SIPA1L1: variants seen among roughly 807,000 people sequenced by gnomAD.
The protein encoded by SIPA1L1 is signal induced proliferation associated 1 like 1.
A neutral mutation model predicts 162.7 loss-of-function variants in SIPA1L1; 26 were observed. That is an observed-to-expected ratio of 0.16 (90% CI 0.12 to 0.22). SIPA1L1 has a LOEUF of 0.22. Among genes scored for constraint, SIPA1L1 ranks in the 10% least tolerant of loss-of-function variants. The probability of loss-of-function intolerance (pLI) is 1.00; values close to 1 mark genes in which losing one functional copy is unlikely to be tolerated. For missense variants in SIPA1L1, 1,874 were observed against 2,241.0 expected (o/e 0.84, Z 3.31); for synonymous variants, 829 against 837.4 (o/e 0.99, Z 0.17).
chr14:71,655,010 A>G (rs569388878), intron 8 of SIPA1L1, among the ~76,000 whole-genome samples: 34 of 152,294 alleles, frequency 2.2e-4, no homozygotes, highest in African/African-American at 7.9e-4. Context: ...GGTATATTGC[A>G]TAATGCTGGG....
At chr14:71,384,608 T>C (rs189811353) in intron 2 of SIPA1L1, among the ~76,000 whole-genome samples, 4 of 152,330 alleles carry the variant, frequency 2.6e-5, no homozygotes, top group African/African-American at 7.2e-5. Flanking sequence ...CAGCAAAACA[T>C]TTGCCATGTT....
At chr14:71,522,138 A>T (rs941156695) in intron 3 of SIPA1L1, among the ~76,000 whole-genome samples, 1 of 152,206 alleles carries the variant, frequency 6.6e-6, no homozygotes, top group Non-Finnish European at 1.5e-5. Context: ...CTCTTAGTTT[A>T]TTGAAAATAA....
Position 71,624,128 on chromosome 14 carries a change from C to A in SIPA1L1, c.1710C>A (p.Leu570=). ...ACTCGACAGCCAGAGGCCTGCCTCT[C>A]AAAGAAGTGCTGGAGCACGTGGTTC... ...AKHSTARGLP[L]KEVLEHVVPE... is the part of the protein sequence containing the mutation. The change falls in exon 7 of 24, where the codon CTC becomes CTA. Residue 570 remains leucine (L), a synonymous_variant. Transcript: ENST00000381232. 1 of 1,614,176 alleles carries A rather than the reference C, an allele frequency of 6.2e-7. No individual in the cohort carries two copies. The highest frequency in any genetic ancestry group is 1.1e-5 in the South Asian group (1 of 91,084).
chr14:71,720,272 A>G (rs557858604), intron 17 of SIPA1L1, among the ~76,000 whole-genome samples: 3 of 152,270 alleles, frequency 2.0e-5, no homozygotes, highest in Admixed American at 6.5e-5. Context: ...TTTAGGGCCA[A>G]TAATTCTTAG....
intron 2 of SIPA1L1, among the ~76,000 whole-genome samples, chr14:71,450,551 T>C (rs2045737179): frequency 6.6e-6 from 1 of 152,206 alleles, no homozygotes; most frequent in Non-Finnish European, 1.5e-5. Flanking sequence ...TATGGCTCTA[T>C]CTAGTACTGC....
chr14:71,681,699 G>T (rs565781848), intron 12 of SIPA1L1, among the ~76,000 whole-genome samples: 114 of 152,266 alleles, frequency 7.5e-4, no homozygotes, highest in Admixed American at 1.2e-3. Flanking sequence ...TAGGGACCAA[G>T]CCATCCTCAA....
rs1266887786 is a variant in SIPA1L1 at position 71,587,830 on chromosome 14, A to G, written c.-43A>G. On this transcript the variant is annotated 5_prime_UTR_variant, in exon 5 of 24. The change abolishes an upstream ATG in the 5' untranslated region. Transcript: ENST00000381232. ...AGTGCACATTTAAAACACAGATATG[A>G]TGGTCCTTGCTGCAGGGATTTAAGT... The G allele has an allele frequency of 6.4e-7, 1 of 1,553,118 alleles. No individual in the cohort carries two copies. Among genetic ancestry groups the G allele is most frequent in the Non-Finnish European group, 8.8e-7 (1 of 1,141,530 alleles).
chr14:71,418,422 A>C (rs565298583), intron 2 of SIPA1L1, among the ~76,000 whole-genome samples: 1 of 152,338 alleles, frequency 6.6e-6, no homozygotes, highest in Non-Finnish European at 1.5e-5. Flanking sequence ...AAAATAAAGA[A>C]GAGAGAACAT....
intron 6 of SIPA1L1, among the ~76,000 whole-genome samples, chr14:71,622,937 A>C (rs987140233): frequency 1.3e-5 from 2 of 150,100 alleles, no homozygotes; most frequent in Admixed American, 6.6e-5. Context: ...TACAATAATC[A>C]CTCCTTCCCA....
intron 2 of SIPA1L1, among the ~76,000 whole-genome samples, chr14:71,470,923 C>T (rs994801304): frequency 3.3e-5 from 5 of 152,120 alleles, no homozygotes; most frequent in East Asian, 3.9e-4. Context: ...CTGCAAGCTC[C>T]GCCTCCTGGG....
At chr14:71,598,067 A>G (rs1256404635) in intron 5 of SIPA1L1, among the ~76,000 whole-genome samples, 4 of 152,180 alleles carry the variant, frequency 2.6e-5, no homozygotes, top group Admixed American at 1.3e-4. Flanking sequence ...GTCTGTGTAT[A>G]TGGCCTTGTG....
At chr14:71,727,044 G>C (rs551105190) in intron 19 of SIPA1L1, among the ~76,000 whole-genome samples, 1 of 152,100 alleles carries the variant, frequency 6.6e-6, no homozygotes, top group Non-Finnish European at 1.5e-5. Flanking sequence ...TTGAGTGGCA[G>C]GGTCACTCCC....
In SIPA1L1 at chr14:71,676,767, G is replaced by T. The variant is rs532938358; in HGVS notation, c.3104+4145G>T. The stretch of plus-strand genomic sequence containing the variant: ...TTGTGATAGTTTGCTGAGAATGATG[G>T]TTTCCAGCATCTTCTATGTCCCTAC... On this transcript the variant is annotated intron_variant, in intron 12 of 23. Coordinates refer to ENST00000381232, the MANE Select transcript of SIPA1L1 (RefSeq NM_001386936.1). 5.3e-5 allele frequency among the ~76,000 whole-genome samples: 8 copies of T among 151,768 alleles called. No homozygotes were observed. In the East Asian group the frequency reaches 1.6e-3, roughly 29 times the overall value.
intron 23 of SIPA1L1, 134 bp from the exon 24 acceptor site, chr14:71,738,884 T>G: frequency 9.9e-7 from 1 of 1,007,272 alleles, no homozygotes; most frequent in Non-Finnish European, 1.4e-6. Flanking sequence ...TACCAGTCCG[T>G]TTAGACAGGT....
At chr14:71,724,022 G>T in intron 18 of SIPA1L1, 136 bp downstream of exon 18, 1 of 914,436 alleles carries the variant, frequency 1.1e-6, no homozygotes, top group Non-Finnish European at 1.6e-6. Flanking sequence ...GTGGGATTAT[G>T]ATTTTTTTTC....
At chr14:71,639,655 T>C (rs1045389532) in intron 7 of SIPA1L1, among the ~76,000 whole-genome samples, 25 of 152,224 alleles carry the variant, frequency 1.6e-4, no homozygotes, top group African/African-American at 5.8e-4. Context: ...GGAGAAGTTA[T>C]TCTGTCTGAT....
chr14:71,444,908 T>C (rs1170881856), intron 2 of SIPA1L1, among the ~76,000 whole-genome samples: 1 of 152,232 alleles, frequency 6.6e-6, no homozygotes, highest in Non-Finnish European at 1.5e-5. Flanking sequence ...TACTAGCTAG[T>C]GCTTGTTCTG....
chr14:71,382,507 A>T (rs2039986555), intron 2 of SIPA1L1, among the ~76,000 whole-genome samples: 2 of 152,208 alleles, frequency 1.3e-5, no homozygotes, highest in South Asian at 4.1e-4. Context: ...AAGGAGAGAG[A>T]TTCGTTTAGC....
intron 4 of SIPA1L1, among the ~76,000 whole-genome samples, chr14:71,544,150 CGT>C (rs139321283): frequency 0.035 from 5,212 of 150,308 alleles, 159 homozygotes; most frequent in African/African-American, 0.078. Context: ...CATATATGCA[CGT>C]GTGTGTATAT....
Sources: gnomAD v4.1 joint callset for allele counts (sites outside exome capture counted in the v4.1 genomes callset) on GRCh38, gnomAD v4.1.1 for gene constraint, MANE v1.5 for transcripts, NCBI Gene and HGNC (gene_info 2026-07-23, HGNC 2026-07-21) for gene names.